Variants in WWC2 observed in about 807,000 individuals in gnomAD.
The protein encoded by WWC2 is protein WWC2.
Under a neutral mutation model 138.5 loss-of-function variants are expected in WWC2, and 101 were observed. That is an observed-to-expected ratio of 0.73 (90% CI 0.62 to 0.86). The LOEUF is 0.86. Among genes scored for constraint, WWC2 ranks in the 40% least tolerant of loss-of-function variants. The pLI is 0.00. For missense variants in WWC2, 1,420 were observed against 1,419.4 expected (o/e 1.00, Z -0.01); for synonymous variants, 558 against 538.4 (o/e 1.04, Z -0.50).
At chr4:183,314,607 G>T (rs1228014881) in intron 22 of WWC2, among the ~76,000 whole-genome samples, 1 of 152,174 alleles carries the variant, frequency 6.6e-6, no homozygotes, top group Non-Finnish European at 1.5e-5. Flanking sequence ...ATGGTCCCTG[G>T]CCTTCTAATT....
intron 21 of WWC2, among the ~76,000 whole-genome samples, chr4:183,305,932 G>A (rs554553889): frequency 4.6e-5 from 7 of 152,244 alleles, no homozygotes; most frequent in African/African-American, 1.7e-4. Context: ...TTACATACAC[G>A]TGTGTGTATG....
chr4:183,105,885 G>A (rs1462214009), intron 1 of WWC2, among the ~76,000 whole-genome samples: 1 of 142,214 alleles, frequency 7.0e-6, no homozygotes, highest in African/African-American at 2.6e-5. Flanking sequence ...ACGGGACTCT[G>A]TCTTAAAAAA....
Position 183,317,919 on chromosome 4 carries a change from T to G in WWC2, c.*2190T>G, listed in dbSNP as rs962388428. ...CTCATTTCTAACATGAGAGATGAAC[T>G]TATTTTAATATAATCCTTTTTCTAC... On this transcript the variant is annotated 3_prime_UTR_variant, in exon 23 of 23. Coordinates refer to ENST00000403733, the MANE Select transcript of WWC2 (RefSeq NM_024949.6). 6.6e-6 allele frequency: 1 copy of G among 152,194 alleles called. No homozygotes were observed. The highest frequency in any genetic ancestry group is 1.5e-5 in the Non-Finnish European group (1 of 68,022). The allele number at this position is 152,194 out of a possible 1,614,324, so 9.4% of individuals were successfully genotyped here. A position where few individuals can be genotyped will look rare whatever the true frequency, so the allele number is the denominator to read the frequency against.
chr4:183,107,619 T>A (rs1732072972), intron 1 of WWC2, among the ~76,000 whole-genome samples: 1 of 152,220 alleles, frequency 6.6e-6, no homozygotes, highest in Admixed American at 6.5e-5. Context: ...TTTTTGTTTG[T>A]GTACTCTCAC....
At chr4:183,115,181 A>G (rs185296810) in intron 1 of WWC2, among the ~76,000 whole-genome samples, 12 of 152,246 alleles carry the variant, frequency 7.9e-5, no homozygotes, top group Admixed American at 4.6e-4. Context: ...AGTTCCATCC[A>G]TGTTGTTGCA....
chr4:183,193,085 A>T (rs1735036186), intron 1 of WWC2, among the ~76,000 whole-genome samples: 1 of 152,192 alleles, frequency 6.6e-6, no homozygotes, highest in African/African-American at 2.4e-5. Flanking sequence ...ACTGTTATGT[A>T]CAAGATACTT....
At chr4:183,186,989 G>A (rs767674562) in intron 1 of WWC2, among the ~76,000 whole-genome samples, 16 of 152,060 alleles carry the variant, frequency 1.1e-4, no homozygotes, top group Non-Finnish European at 1.9e-4. Flanking sequence ...GTAGCACTGG[G>A]TGAATCATTT....
intron 20 of WWC2, 63 bp downstream of exon 20, chr4:183,286,122 G>A: frequency 7.0e-7 from 1 of 1,421,388 alleles, no homozygotes; most frequent in Non-Finnish European, 9.7e-7. Flanking sequence ...CACTTGTGCA[G>A]CACAAACTCC....
At chr4:183,141,434 C>T (rs964346715) in intron 1 of WWC2, among the ~76,000 whole-genome samples, 4 of 152,110 alleles carry the variant, frequency 2.6e-5, no homozygotes, top group African/African-American at 9.7e-5. Flanking sequence ...GACCCTGTCT[C>T]CAGATATATT....
intron 21 of WWC2, among the ~76,000 whole-genome samples, chr4:183,304,033 A>G (rs975753937): frequency 6.6e-6 from 1 of 152,186 alleles, no homozygotes; most frequent in South Asian, 2.1e-4. Context: ...TTATGAAATC[A>G]TTAAAAGCTA....
At chr4:183,310,415 A>G (rs1416635416) in intron 21 of WWC2, among the ~76,000 whole-genome samples, 1 of 152,204 alleles carries the variant, frequency 6.6e-6, no homozygotes, top group Non-Finnish European at 1.5e-5. Flanking sequence ...TAACCTGAGA[A>G]AAAAACAATA....
At chr4:183,122,169 A>AT (rs1732625414) in intron 1 of WWC2, among the ~76,000 whole-genome samples, 1 of 152,144 alleles carries the variant, frequency 6.6e-6, no homozygotes, top group Non-Finnish European at 1.5e-5. Flanking sequence ...TTACTGATTT[A>AT]TAAATGTTAT....
At chr4:183,103,490 C>A (rs1743248653) in intron 1 of WWC2, among the ~76,000 whole-genome samples, 1 of 151,608 alleles carries the variant, frequency 6.6e-6, no homozygotes, top group African/African-American at 2.4e-5. Context: ...CCACGCCCGG[C>A]TAATTTTTTG....
chr4:183,287,382 C>T (rs1388185205), intron 20 of WWC2, among the ~76,000 whole-genome samples: 3 of 152,138 alleles, frequency 2.0e-5, no homozygotes, highest in Admixed American at 6.5e-5. Context: ...TTCTCAACTC[C>T]TTTCTAAGTC....
At chr4:183,244,569 TTATA>T (rs754078261) in intron 5 of WWC2, among the ~76,000 whole-genome samples, 175 of 150,850 alleles carry the variant, frequency 1.2e-3, no homozygotes, top group Non-Finnish European at 1.7e-3. Flanking sequence ...AGAATAAATA[TTATA>T]TATATATATA....
intron 1 of WWC2, among the ~76,000 whole-genome samples, chr4:183,184,923 C>T (rs1734746055): frequency 6.6e-6 from 1 of 151,884 alleles, no homozygotes; most frequent in African/African-American, 2.4e-5. Flanking sequence ...TTAAATATTT[C>T]ATCGTTTTCA....
At chr4:183,170,589 C>T (rs980253220) in intron 1 of WWC2, among the ~76,000 whole-genome samples, 1 of 152,140 alleles carries the variant, frequency 6.6e-6, no homozygotes, top group African/African-American at 2.4e-5. Flanking sequence ...TGCTGAGATG[C>T]ACTTTTGTGA....
rs1485374743 is a variant in WWC2, at chr4:183,220,661, C to T, written c.522+11636C>T. 5.9e-5 allele frequency among the ~76,000 whole-genome samples: 9 copies of T among 151,706 alleles called. No homozygotes were observed. In the East Asian group the frequency reaches 1.2e-3, roughly 20 times the overall value. On this transcript the variant is annotated intron_variant, in intron 4 of 22. Coordinates refer to ENST00000403733, the MANE Select transcript of WWC2 (RefSeq NM_024949.6). ...CATCCTGGCTAACACAGTGAAACGC[C>T]ATCTCTACTAAAAATACAAAAAAGT...
intron 1 of WWC2, among the ~76,000 whole-genome samples, chr4:183,176,703 G>T (rs185234753): frequency 6.6e-6 from 1 of 152,122 alleles, no homozygotes; most frequent in African/African-American, 2.4e-5. Context: ...GATTACAGCC[G>T]TGAGCCACCA....
Sources: gnomAD v4.1 joint callset for allele counts (sites outside exome capture counted in the v4.1 genomes callset) on GRCh38, gnomAD v4.1.1 for gene constraint, MANE v1.5 for transcripts, NCBI Gene and HGNC (gene_info 2026-07-23, HGNC 2026-07-21) for gene names.